The following CALB1 variants were observed in gnomAD, a reference collection of about 807,000 sequenced individuals.
CALB1 encodes the protein calbindin 1.
Under a neutral mutation model 46.7 loss-of-function variants are expected in CALB1, and 16 were observed. The observed-to-expected ratio is 0.34, with a 90% CI of 0.23 to 0.52. The LOEUF (loss-of-function observed/expected upper bound fraction) is 0.52, where lower values mean the gene tolerates loss of function less well. Among genes scored for constraint, CALB1 ranks in the 20% least tolerant of loss-of-function variants. The pLI is 0.95. For missense variants in CALB1, 224 were observed against 300.3 expected (o/e 0.75, Z 1.88); for synonymous variants, 90 against 112.8 (o/e 0.80, Z 1.28).
chr8:90,078,266 T>C, intron 3 of CALB1, 107 bp downstream of exon 3: 1 of 665,354 alleles, frequency 1.5e-6, no homozygotes, highest in Non-Finnish European at 2.6e-6. Flanking sequence ...TTAGGTAAAA[T>C]AAACTGTACT....
In CALB1 at chr8:90,060,125, A is replaced by AT. The variant is rs1219748520; in HGVS notation, c.*47dup. The AT allele has an allele frequency of 9.3e-7, 1 of 1,073,578 alleles. No individual in the cohort carries two copies. Among genetic ancestry groups the AT allele is most frequent in the Non-Finnish European group, 1.5e-6 (1 of 687,140 alleles). The allele number at this position is 1,073,578 out of a possible 1,614,324, so 66.5% of individuals were successfully genotyped here. Reference sequence around the variant, plus strand: ...GCCTACTCCCTTATAGTGCACAGTTATTTTTTAGATACAGTGTATCACTAG... The same window carrying AT: ...GCCTACTCCCTTATAGTGCACAGTTATTTTTTTAGATACAGTGTATCACTAG... On this transcript the variant is annotated 3_prime_UTR_variant, in exon 11 of 11. Transcript: ENST00000265431.
At chr8:90,066,508 G>A (rs1249446863) in intron 5 of CALB1, among the ~76,000 whole-genome samples, 1 of 151,982 alleles carries the variant, frequency 6.6e-6, no homozygotes, top group Non-Finnish European at 1.5e-5. Context: ...AGGGCCAGTT[G>A]GGTAGTTTTT....
At chr8:90,082,145 C>A (rs1814744537) in intron 1 of CALB1, 43 bp from the exon 2 acceptor site, 1 of 1,514,054 alleles carries the variant, frequency 6.6e-7, no homozygotes, top group South Asian at 1.1e-5. Flanking sequence ...TATCTCATTC[C>A]AAGTGTCTTT....
chr8:90,082,502 G>A (rs1199913662), intron 1 of CALB1, 117 bp downstream of exon 1: 2 of 836,530 alleles, frequency 2.4e-6, no homozygotes, highest in Non-Finnish European at 2.0e-6. Flanking sequence ...GGCAGAAGGG[G>A]GAAGAAGTAA....
Position 90,072,779 on chromosome 8 carries a change from A to G in CALB1, c.232-3542T>C, listed in dbSNP as rs149147557. On this transcript the variant is annotated intron_variant, in intron 3 of 10. Coordinates refer to ENST00000265431, the MANE Select transcript of CALB1 (RefSeq NM_004929.4). ...GATATGCTAAGTCACTGCTGTTTAT[A>G]GAAGTATCCAATACTTCTTATTACA... Among the ~76,000 whole-genome samples, 730 of 152,324 alleles carry G rather than the reference A, an allele frequency of 4.8e-3. 10 individuals are homozygous for G. Among genetic ancestry groups the G allele is most frequent in the African/African-American group, 0.017 (697 of 41,564 alleles).
At chr8:90,062,496 A>G (rs1158605327) in intron 9 of CALB1, 1 of 152,064 alleles carries the variant, frequency 6.6e-6, no homozygotes, top group Non-Finnish European at 1.5e-5. Context: ...ATAGCAAAAA[A>G]TGAATAATTC....
chr8:90,082,868 A>C lies in CALB1; in HGVS notation c.-171T>G. On this transcript the variant is annotated 5_prime_UTR_variant, in exon 1 of 11. Coordinates refer to ENST00000265431, the MANE Select transcript of CALB1 (RefSeq NM_004929.4). ...GCTGCTCAGCTCAGCGTTCCTCCAG[A>C]GTTCTCTCCCTACACCCCGCACCCA... 1 of 644,058 alleles carries C rather than the reference A, an allele frequency of 1.6e-6. No homozygotes were observed. Among genetic ancestry groups the C allele is most frequent in the Non-Finnish European group, 2.8e-6 (1 of 352,612 alleles). 39.9% of individuals were successfully genotyped at this position (644,058 alleles called of 1,614,324 possible).
rs1814258230 is a variant in CALB1 at position 90,059,618 on chromosome 8, C to T, written c.*555G>A. On this transcript the variant is annotated 3_prime_UTR_variant, in exon 11 of 11. Transcript: ENST00000265431. The stretch of plus-strand genomic sequence containing the variant: ...TGTATGGATCCAAGCAGTAGACATG[C>T]TGTTGATTGGTAAACTAAATCTGTA... 1 of 152,596 alleles carries T rather than the reference C, an allele frequency of 6.6e-6. No homozygotes were observed. The highest frequency in any genetic ancestry group is 6.5e-5 in the Admixed American group (1 of 15,324). The allele number at this position is 152,596 out of a possible 1,614,324, so 9.5% of individuals were successfully genotyped here.
chr8:90,063,766 G>A, intron 6 of CALB1: 1 of 247,836 alleles, frequency 4.0e-6, no homozygotes, highest in South Asian at 9.8e-5. Flanking sequence ...TGGGAGGGAT[G>A]GTGTCTGACA....
At chr8:90,074,930 T>G (rs541715838) in intron 3 of CALB1, among the ~76,000 whole-genome samples, 1 of 152,182 alleles carries the variant, frequency 6.6e-6, no homozygotes, top group Non-Finnish European at 1.5e-5. Flanking sequence ...GCTAAATCAT[T>G]AAGTCTTCCT....
At chr8:90,063,047 ATGTTG>A in intron 9 of CALB1, 48 bp downstream of exon 9, 1 of 1,279,736 alleles carries the variant, frequency 7.8e-7, no homozygotes, top group Non-Finnish European at 1.1e-6. Flanking sequence ...AGAGGATCTT[ATGTTG>A]TGTTCTTACT....
intron 5 of CALB1, 135 bp downstream of exon 5, chr8:90,068,863 G>A: frequency 1.6e-6 from 1 of 608,324 alleles, no homozygotes. Context: ...CATTAACAAT[G>A]TCGAAGAGTA....
rs1208252980 is a variant in CALB1, at chr8:90,060,010, A to G, written c.*163T>C. 1 of 562,954 alleles carries G rather than the reference A, an allele frequency of 1.8e-6. No individual in the cohort carries two copies. The highest frequency in any genetic ancestry group is 1.9e-5 in the African/African-American group (1 of 53,374). 34.9% of individuals were successfully genotyped at this position (562,954 alleles called of 1,614,324 possible). On this transcript the variant is annotated 3_prime_UTR_variant, in exon 11 of 11. Coordinates refer to ENST00000265431, the MANE Select transcript of CALB1 (RefSeq NM_004929.4). ...TGGTTACAAAAACTGTATATTACAA[A>G]CAGTATAGAAACAAGCTGAAAAGAA... is the stretch of plus-strand genomic sequence containing the variant.
intron 3 of CALB1, among the ~76,000 whole-genome samples, chr8:90,074,379 G>C (rs933713357): frequency 1.3e-5 from 2 of 152,128 alleles, no homozygotes; most frequent in Admixed American, 6.6e-5. Context: ...GAGGCTCAAA[G>C]AGGGTAAATG....
chr8:90,078,053 C>T (rs1563683531), intron 3 of CALB1, among the ~76,000 whole-genome samples: 1 of 152,056 alleles, frequency 6.6e-6, no homozygotes, highest in Non-Finnish European at 1.5e-5. Flanking sequence ...GATTGATACT[C>T]ATGTAGAAGT....
chr8:90,063,667 T>C (rs891789055), intron 6 of CALB1: 96 of 514,292 alleles, frequency 1.9e-4, no homozygotes, highest in Non-Finnish European at 2.6e-4. Context: ...TAATATAGAA[T>C]AGTCAAACAG....
chr8:90,081,451 A>G, intron 2 of CALB1: 1 of 983,720 alleles, frequency 1.0e-6, no homozygotes, highest in Non-Finnish European at 1.2e-6. Context: ...CATCTCCCCA[A>G]CTACATCAAC....
chr8:90,081,996 T>A, intron 2 of CALB1, 30 bp downstream of exon 2: 1 of 1,586,536 alleles, frequency 6.3e-7, no homozygotes, highest in Non-Finnish European at 8.6e-7. Flanking sequence ...GTTAAAAGTC[T>A]TTTTTTCTTT....
At chr8:90,077,365 T>C (rs1278124296) in intron 3 of CALB1, among the ~76,000 whole-genome samples, 1 of 152,084 alleles carries the variant, frequency 6.6e-6, no homozygotes, top group African/African-American at 2.4e-5. Context: ...ACAAGTGTCC[T>C]ATAAGATCAA....
Sources: allele counts gnomAD v4.1 joint callset (sites outside exome capture counted in the v4.1 genomes callset), GRCh38; gene constraint gnomAD v4.1.1; transcripts MANE v1.5; gene names NCBI Gene and HGNC (gene_info 2026-07-23, HGNC 2026-07-21).